GPHN: variants seen among roughly 807,000 people sequenced by gnomAD.
The protein encoded by GPHN is gephyrin.
In GPHN, 17 loss-of-function variants were observed where a neutral mutation model predicts 95.5. The observed-to-expected ratio is 0.18, with a 90% confidence interval of 0.12 to 0.27. GPHN has a LOEUF of 0.27. GPHN is among the 10% of genes least tolerant of loss of function. The pLI, the probability that GPHN is intolerant of heterozygous loss-of-function variation, is 1.00. For missense variants in GPHN, 660 were observed against 978.1 expected (o/e 0.67, Z 4.34); for synonymous variants, 320 against 322.5 (o/e 0.99, Z 0.08).
chr14:67,336,604 C>T, the GPHN span: 10 of 414,744 alleles, frequency 2.4e-5, no homozygotes, highest in South Asian at 3.5e-5. Flanking sequence ...AAAGGCAGTA[C>T]GTAATTCTTA....
chr14:66,961,725 C>G (rs552386558), intron 8 of GPHN, among the ~76,000 whole-genome samples: 1 of 150,866 alleles, frequency 6.6e-6, no homozygotes, highest in African/African-American at 2.4e-5. Context: ...TTGTTACACA[C>G]CAACCAAATT....
the GPHN span, chr14:67,392,723 G>A: frequency 6.2e-7 from 1 of 1,614,076 alleles, no homozygotes; most frequent in South Asian, 1.1e-5. Context: ...AGAGCGAATG[G>A]CTCCCATGCT....
the GPHN span, among the ~76,000 whole-genome samples, chr14:67,597,459 C>T: frequency 6.7e-6 from 1 of 150,354 alleles, no homozygotes; most frequent in South Asian, 2.1e-4. Context: ...GCCTGGGCAA[C>T]AGAGTGAGAA....
At chr14:67,052,825 G>T (rs1399000957) in intron 10 of GPHN, among the ~76,000 whole-genome samples, 1 of 151,996 alleles carries the variant, frequency 6.6e-6, no homozygotes, top group Non-Finnish European at 1.5e-5. Context: ...TGGAAATTAA[G>T]CAACCTGCCC....
intron 11 of GPHN, among the ~76,000 whole-genome samples, chr14:67,081,478 C>T: frequency 6.6e-6 from 1 of 151,948 alleles, no homozygotes; most frequent in Non-Finnish European, 1.5e-5. Flanking sequence ...GCTTAAGTTC[C>T]TCGTAGATTC....
the GPHN span, among the ~76,000 whole-genome samples, chr14:67,584,598 A>G: frequency 3.3e-5 from 5 of 152,226 alleles, no homozygotes; most frequent in African/African-American, 1.2e-4. Flanking sequence ...CATAAACTTT[A>G]TAGATAATTA....
intron 10 of GPHN, among the ~76,000 whole-genome samples, chr14:67,026,863 C>G (rs902312884): frequency 3.3e-5 from 5 of 152,124 alleles, no homozygotes; most frequent in African/African-American, 7.2e-5. Context: ...AGGATGGTCT[C>G]GATCTCCTGA....
chr14:67,113,383 T>C (rs1172692986), intron 16 of GPHN, among the ~76,000 whole-genome samples: 1 of 152,236 alleles, frequency 6.6e-6, no homozygotes, highest in African/African-American at 2.4e-5. Context: ...TTATGTATTA[T>C]GAAATGTTCT....
chr14:66,556,462 T>A (rs1349961074), intron 1 of GPHN, among the ~76,000 whole-genome samples: 3 of 152,208 alleles, frequency 2.0e-5, no homozygotes, highest in African/African-American at 7.2e-5. Flanking sequence ...ACAACTTCTG[T>A]ACTCTTGGTT....
chr14:67,014,305 T>A (rs1243770046), intron 9 of GPHN, among the ~76,000 whole-genome samples: 1 of 152,192 alleles, frequency 6.6e-6, no homozygotes, highest in African/African-American at 2.4e-5. Context: ...GAGATAGATG[T>A]TATTATTATC....
At chr14:67,380,862 A>G in the GPHN span, 40 of 572,706 alleles carry the variant, frequency 7.0e-5, no homozygotes, top group East Asian at 1.3e-3. Flanking sequence ...CTACATCAAC[A>G]TCTATAAATT....
At chr14:66,761,906 C>T (rs146475963) in intron 2 of GPHN, among the ~76,000 whole-genome samples, 21 of 152,200 alleles carry the variant, frequency 1.4e-4, no homozygotes, top group Non-Finnish European at 1.8e-4. Context: ...GTGATCCACC[C>T]GTCTCGGCCT....
At chr14:67,519,718 T>TTC in the GPHN span, among the ~76,000 whole-genome samples, 2 of 151,558 alleles carry the variant, frequency 1.3e-5, no homozygotes, top group Admixed American at 6.6e-5. Context: ...AAGTTTGTTT[T>TTC]TTTTTTTTTT....
the GPHN span, among the ~76,000 whole-genome samples, chr14:67,554,280 G>A: frequency 6.6e-6 from 1 of 152,190 alleles, no homozygotes. Context: ...AATTTCAGCT[G>A]AGAGATTGGG....
intron 9 of GPHN, among the ~76,000 whole-genome samples, chr14:66,987,840 A>T (rs1352460497): frequency 6.6e-6 from 1 of 152,122 alleles, no homozygotes; most frequent in Non-Finnish European, 1.5e-5. Context: ...GCAGTGAGAA[A>T]TGTATAATGC....
chr14:66,998,293 C>G (rs922932642), intron 9 of GPHN, among the ~76,000 whole-genome samples: 3 of 151,910 alleles, frequency 2.0e-5, no homozygotes, highest in Non-Finnish European at 4.4e-5. Context: ...TAGGGTTTCT[C>G]TCTTTCACTC....
the GPHN span, among the ~76,000 whole-genome samples, chr14:67,335,982 T>G: frequency 6.6e-6 from 1 of 152,236 alleles, no homozygotes; most frequent in Non-Finnish European, 1.5e-5. Flanking sequence ...GTGCCCCCTG[T>G]TGGCACAGGT....
chr14:67,313,332 G>T, the GPHN span, among the ~76,000 whole-genome samples: 3 of 152,192 alleles, frequency 2.0e-5, no homozygotes, highest in Non-Finnish European at 4.4e-5. Flanking sequence ...GCCATTAGGT[G>T]ATTTCATTGT....
At chr14:66,694,956 A>G (rs1385040392) in intron 2 of GPHN, among the ~76,000 whole-genome samples, 17 of 152,134 alleles carry the variant, frequency 1.1e-4, no homozygotes, top group Non-Finnish European at 1.0e-4. Context: ...TCAGGAGTTC[A>G]TGACCAAGCC....
Sources: allele counts gnomAD v4.1 joint callset (sites outside exome capture counted in the v4.1 genomes callset), GRCh38; gene constraint gnomAD v4.1.1; transcripts MANE v1.5; gene names NCBI Gene and HGNC (gene_info 2026-07-23, HGNC 2026-07-21).